Variants in MAP4K5 observed in about 807,000 individuals in gnomAD.
MAP4K5 encodes mitogen-activated protein kinase kinase kinase kinase 5, also known as MAPK/ERK kinase kinase kinase 5.
A neutral mutation model predicts 135.6 loss-of-function variants in MAP4K5; 82 were observed. That is an observed-to-expected ratio of 0.60 (90% CI 0.51 to 0.73). The LOEUF (loss-of-function observed/expected upper bound fraction) is 0.73. MAP4K5 is among the 30% of genes least tolerant of loss of function. The pLI, the probability that MAP4K5 is intolerant of heterozygous loss-of-function variation, is 0.00. For missense variants in MAP4K5, 907 were observed against 1,010.9 expected, an observed-to-expected ratio of 0.90 and a Z score of 1.39; for synonymous variants, 347 against 335.0, an observed-to-expected ratio of 1.04 and a Z score of -0.39.
chr14:50,530,101 G>C (rs2038354376), intron 2 of MAP4K5, among the ~76,000 whole-genome samples: 1 of 152,212 alleles, frequency 6.6e-6, no homozygotes, highest in East Asian at 1.9e-4. Flanking sequence ...GAATATACAT[G>C]TAAGTGTGAG....
intron 2 of MAP4K5, among the ~76,000 whole-genome samples, chr14:50,513,026 G>A (rs2037961522): frequency 6.6e-6 from 1 of 152,034 alleles, no homozygotes. Flanking sequence ...TCAGACTTAA[G>A]ATATACTAAA....
intron 9 of MAP4K5, among the ~76,000 whole-genome samples, chr14:50,470,653 T>TACACACACAC (rs59377868): frequency 6.7e-6 from 1 of 149,104 alleles, no homozygotes; most frequent in African/African-American, 2.5e-5. Flanking sequence ...CATCCATTTT[T>TACACACACAC]ACACACACAC....
intron 3 of MAP4K5, among the ~76,000 whole-genome samples, chr14:50,493,694 T>C (rs956547484): frequency 1.3e-5 from 2 of 152,104 alleles, no homozygotes; most frequent in Admixed American, 6.6e-5. Context: ...AAACAATTTA[T>C]TTACAATAGC....
Position 50,482,390 on chromosome 14 carries a change from T to C in MAP4K5, c.349A>G (p.Ile117Val). 1 of 1,533,626 alleles carries C rather than the reference T, an allele frequency of 6.5e-7. No individual in the cohort carries two copies. The highest frequency in any genetic ancestry group is 8.8e-7 in the Non-Finnish European group (1 of 1,141,964). ...AAGGTTTCTCTGCATACATAGGCTA[T>C]TTGCAATTCTGATAATGGTCCAGTA... ...HVTGPLSELQ[I>V]AYVCRETLQG... Residue 117 changes from isoleucine to valine, a missense_variant, in exon 6 of 33, where the codon ATA becomes GTA. Transcript: ENST00000682126.
intron 3 of MAP4K5, among the ~76,000 whole-genome samples, chr14:50,502,219 T>A (rs1388948539): frequency 2.0e-5 from 3 of 152,142 alleles, no homozygotes; most frequent in Non-Finnish European, 4.4e-5. Flanking sequence ...TTCAAAAAAC[T>A]GCAAACTCCA....
At chr14:50,514,101 C>T (rs1039656618) in intron 2 of MAP4K5, among the ~76,000 whole-genome samples, 1 of 151,862 alleles carries the variant, frequency 6.6e-6, no homozygotes, top group African/African-American at 2.4e-5. Flanking sequence ...TTTTTGAGGC[C>T]GAGTCTTGCT....
At chr14:50,502,760 C>T (rs1177074442) in intron 3 of MAP4K5, among the ~76,000 whole-genome samples, 1 of 152,042 alleles carries the variant, frequency 6.6e-6, no homozygotes, top group East Asian at 1.9e-4. Flanking sequence ...GAACAGAACA[C>T]AAAATCTATG....
At chr14:50,494,139 T>C (rs1449104371) in intron 3 of MAP4K5, among the ~76,000 whole-genome samples, 1 of 151,916 alleles carries the variant, frequency 6.6e-6, no homozygotes, top group Admixed American at 6.6e-5. Flanking sequence ...TGCTCATGGA[T>C]TGAAAAATTT....
At chr14:50,538,551 G>A (rs1488250275) in intron 2 of MAP4K5, among the ~76,000 whole-genome samples, 1 of 152,134 alleles carries the variant, frequency 6.6e-6, no homozygotes. Flanking sequence ...GTTCCTTATT[G>A]GTTTCCTCAC....
At chr14:50,500,823 A>T (rs1245292575) in intron 3 of MAP4K5, among the ~76,000 whole-genome samples, 1 of 152,208 alleles carries the variant, frequency 6.6e-6, no homozygotes, top group Non-Finnish European at 1.5e-5. Flanking sequence ...AATCGAGGTT[A>T]ATGCCTACAT....
At chr14:50,458,371 C>CA (rs1220768318) in intron 13 of MAP4K5, among the ~76,000 whole-genome samples, 3 of 152,098 alleles carry the variant, frequency 2.0e-5, no homozygotes, top group Non-Finnish European at 2.9e-5. Context: ...CCCCCCACCA[C>CA]ACACACAAAA....
At position 50,464,204 on chromosome 14, in the gene MAP4K5, C is replaced by T. The variant is rs1046513977; in HGVS notation, c.738-71G>A. 4 of 756,724 alleles carry T rather than the reference C, an allele frequency of 5.3e-6. No individual in the cohort carries two copies. The Admixed American group carries it at 9.3e-5, about 18-fold the overall frequency. 46.9% of individuals were successfully genotyped at this position (756,724 alleles called of 1,614,324 possible). Reference sequence around the variant, plus strand: ...TTTCGGTGTTAGTAAATAACATTAACTTAGGAACAGTTAGTCTAAAACACC... The same window carrying T: ...TTTCGGTGTTAGTAAATAACATTAATTTAGGAACAGTTAGTCTAAAACACC... On this transcript the variant is annotated intron_variant, in intron 11 of 32. Transcript: ENST00000682126.
chr14:50,440,491 C>T, intron 21 of MAP4K5, 50 bp from the exon 22 acceptor site: 2 of 933,930 alleles, frequency 2.1e-6, no homozygotes, highest in Non-Finnish European at 3.3e-6. Context: ...CTTCTGAAAT[C>T]ATTCACTAAA....
intron 6 of MAP4K5, among the ~76,000 whole-genome samples, chr14:50,478,555 A>C (rs1223026227): frequency 6.6e-6 from 1 of 152,148 alleles, no homozygotes; most frequent in African/African-American, 2.4e-5. Flanking sequence ...GTACAGGCTG[A>C]ATATCCCTAT....
chr14:50,446,220 G>T, intron 16 of MAP4K5, 99 bp from the exon 17 acceptor site: 4 of 693,774 alleles, frequency 5.8e-6, no homozygotes, highest in Non-Finnish European at 9.5e-6. Context: ...TCTATACAGA[G>T]GATGTAAAAG....
intron 5 of MAP4K5, among the ~76,000 whole-genome samples, chr14:50,483,778 T>G (rs2037304288): frequency 6.7e-6 from 1 of 149,710 alleles, no homozygotes; most frequent in Admixed American, 6.6e-5. Flanking sequence ...TATAAAAATG[T>G]GAATGGACAA....
intron 14 of MAP4K5, chr14:50,449,337 C>T (rs897417873): frequency 6.6e-6 from 1 of 152,244 alleles, no homozygotes; most frequent in Admixed American, 6.5e-5. Flanking sequence ...ATACTGACTT[C>T]AGAGTTATTC....
chr14:50,502,685 A>T (rs539590349), intron 3 of MAP4K5, among the ~76,000 whole-genome samples: 1 of 152,274 alleles, frequency 6.6e-6, no homozygotes, highest in African/African-American at 2.4e-5. Flanking sequence ...ATAATACGCA[A>T]CAAAAGTTTT....
At chr14:50,476,435 A>C in intron 6 of MAP4K5, 129 bp from the exon 7 acceptor site, 3 of 486,574 alleles carry the variant, frequency 6.2e-6, no homozygotes, top group East Asian at 3.5e-5. Context: ...AAAAACCTAG[A>C]TAAGTAAATC....
Sources: allele counts gnomAD v4.1 joint callset (sites outside exome capture counted in the v4.1 genomes callset), GRCh38; gene constraint gnomAD v4.1.1; transcripts MANE v1.5; gene names NCBI Gene and HGNC (gene_info 2026-07-23, HGNC 2026-07-21).